The following CIMAP1D variants were observed in gnomAD, a reference collection of about 807,000 sequenced individuals.
CIMAP1D encodes CIMAP1 family member D, also known as protein CIMAP1D.
chr19:482,871 G>A, the CIMAP1D span, among the ~76,000 whole-genome samples: 2 of 152,106 alleles, frequency 1.3e-5, no homozygotes, highest in Non-Finnish European at 2.9e-5. Context: ...GACGGGCACC[G>A]AGGCTATTCC....
chr19:463,915 G>C, the CIMAP1D span: 6 of 1,611,592 alleles, frequency 3.7e-6, no homozygotes, highest in South Asian at 4.4e-5. Flanking sequence ...GTGCTGGCCC[G>C]TTTCGAGTGG....
At chr19:486,286 C>T in the CIMAP1D span, among the ~76,000 whole-genome samples, 13 of 152,308 alleles carry the variant, frequency 8.5e-5, no homozygotes, top group South Asian at 2.7e-3. Context: ...CCTGCCCTCT[C>T]TGGCTGCGTT....
At chr19:485,956 G>A in the CIMAP1D span, among the ~76,000 whole-genome samples, 5,088 of 152,244 alleles carry the variant, frequency 0.033, 139 homozygotes, top group East Asian at 0.11. Context: ...AGACTCACGC[G>A]CCCTGCTGCT....
the CIMAP1D span, among the ~76,000 whole-genome samples, chr19:478,761 C>T: frequency 6.6e-6 from 1 of 152,288 alleles, no homozygotes; most frequent in Non-Finnish European, 1.5e-5. Flanking sequence ...CGTCCACCCG[C>T]CCAGCTGCCG....
chr19:470,753 C>T, the CIMAP1D span, among the ~76,000 whole-genome samples: 1 of 152,344 alleles, frequency 6.6e-6, no homozygotes, highest in Non-Finnish European at 1.5e-5. Context: ...CTTGGAGCAG[C>T]GGTAGAAAAT....
the CIMAP1D span, among the ~76,000 whole-genome samples, chr19:471,706 A>T: frequency 6.7e-6 from 1 of 149,904 alleles, no homozygotes. Context: ...TATTATTTTT[A>T]ATATAATGTT....
chr19:484,650 T>A, the CIMAP1D span, among the ~76,000 whole-genome samples: 1 of 151,960 alleles, frequency 6.6e-6, no homozygotes, highest in South Asian at 2.1e-4. Context: ...ACGGGGTGTC[T>A]GGGGAGGGCA....
chr19:463,999 C>A, the CIMAP1D span: 1 of 1,609,292 alleles, frequency 6.2e-7, no homozygotes, highest in South Asian at 1.1e-5. Context: ...GCGCCAGGGC[C>A]GGGGGTCTCC....
chr19:473,190 A>C, the CIMAP1D span, among the ~76,000 whole-genome samples: 1 of 64,952 alleles, frequency 1.5e-5, no homozygotes, highest in African/African-American at 8.8e-5. Context: ...CCAGAGATAC[A>C]CGGTCACAGA....
At chr19:474,916 C>T in the CIMAP1D span, 2 of 530,432 alleles carry the variant, frequency 3.8e-6, no homozygotes, top group Non-Finnish European at 6.0e-6. Flanking sequence ...AGCAGGGAGT[C>T]GTGGGGCCCT....
the CIMAP1D span, chr19:472,525 A>G: frequency 6.7e-7 from 1 of 1,493,902 alleles, no homozygotes; most frequent in Admixed American, 2.1e-5. Context: ...CCCTCAGGTC[A>G]CCTCCTGGGC....
chr19:474,530 C>G, the CIMAP1D span: 1 of 1,272,278 alleles, frequency 7.9e-7, no homozygotes, highest in Non-Finnish European at 1.0e-6. Flanking sequence ...CTCCTGCCTC[C>G]TGCTGGGCTC....
the CIMAP1D span, among the ~76,000 whole-genome samples, chr19:480,465 G>GA: frequency 1.3e-5 from 2 of 151,476 alleles, no homozygotes; most frequent in African/African-American, 4.9e-5. Context: ...GAGGATGATG[G>GA]GAAGGATGAT....
the CIMAP1D span, among the ~76,000 whole-genome samples, chr19:479,161 G>A: frequency 2.6e-5 from 4 of 152,124 alleles, no homozygotes; most frequent in Admixed American, 2.0e-4. Context: ...GACAAACTGC[G>A]TCTGCCGTGC....
chr19:464,132 G>A, the CIMAP1D span: 5 of 577,622 alleles, frequency 8.7e-6, no homozygotes, highest in Admixed American at 3.4e-5. Context: ...GATCCTGCGG[G>A]GGGCGGGCGG....
the CIMAP1D span, among the ~76,000 whole-genome samples, chr19:470,207 C>CT: frequency 5.7e-4 from 66 of 116,050 alleles, no homozygotes; most frequent in Admixed American, 2.9e-3. Context: ...AGGCTAAGTT[C>CT]TTTTTTTTTT....
the CIMAP1D span, chr19:474,658 G>T: frequency 6.3e-7 from 1 of 1,583,582 alleles, no homozygotes; most frequent in Non-Finnish European, 8.6e-7. Context: ...ACTTCCTCAG[G>T]CCGGTCTCCG....
At chr19:485,200 C>T in the CIMAP1D span, among the ~76,000 whole-genome samples, 1 of 152,190 alleles carries the variant, frequency 6.6e-6, no homozygotes, top group Admixed American at 6.5e-5. Context: ...CCACGTAACA[C>T]ACGTACACAC....
At chr19:476,879 A>T in the CIMAP1D span, among the ~76,000 whole-genome samples, 1 of 152,220 alleles carries the variant, frequency 6.6e-6, no homozygotes, top group African/African-American at 2.4e-5. Context: ...TTAAAGAAGT[A>T]CTTAGAGGGA....
Sources: allele counts gnomAD v4.1 joint callset (sites outside exome capture counted in the v4.1 genomes callset), GRCh38; gene constraint gnomAD v4.1.1; transcripts MANE v1.5; gene names NCBI Gene and HGNC (gene_info 2026-07-23, HGNC 2026-07-21).